Variants in IQCE observed in about 807,000 individuals in gnomAD.
IQCE encodes the protein IQ motif containing E.
A neutral mutation model predicts 96.0 loss-of-function variants in IQCE; 115 were observed. That is an observed-to-expected ratio of 1.20 (90% CI 1.03 to 1.40). The LOEUF (loss-of-function observed/expected upper bound fraction) is 1.40, where lower values mean the gene tolerates loss of function less well. Ranked by LOEUF, IQCE falls within the 40% of genes most tolerant of loss-of-function variation. The pLI is 0.00. For missense variants in IQCE, 1,041 were observed against 909.1 expected (o/e 1.15, Z -1.87); for synonymous variants, 412 against 371.2 (o/e 1.11, Z -1.26).
At chr7:2,609,713 TCC>T (rs1380281019) in intron 21 of IQCE, among the ~76,000 whole-genome samples, 4 of 151,082 alleles carry the variant, frequency 2.6e-5, no homozygotes, top group African/African-American at 9.8e-5. Flanking sequence ...TGTAAGTTGG[TCC>T]TGAGGCTGGA....
At chr7:2,592,701 C>T (rs1409093602) in intron 14 of IQCE, among the ~76,000 whole-genome samples, 3 of 152,264 alleles carry the variant, frequency 2.0e-5, no homozygotes, top group Admixed American at 1.3e-4. Context: ...GCCTGCAGCA[C>T]CCTCACACGG....
intron 13 of IQCE, among the ~76,000 whole-genome samples, chr7:2,589,389 T>C (rs1783396214): frequency 1.3e-5 from 2 of 151,792 alleles, no homozygotes; most frequent in Admixed American, 1.3e-4. Context: ...TTCTATAAAT[T>C]GTGGGCATTT....
chr7:2,573,745 G>A (rs1286847065), intron 6 of IQCE, among the ~76,000 whole-genome samples: 1 of 152,204 alleles, frequency 6.6e-6, no homozygotes, highest in African/African-American at 2.4e-5. Flanking sequence ...GGAGAAGACT[G>A]GATGAGGACT....
At chr7:2,569,575 C>T (rs917831105) in intron 3 of IQCE, among the ~76,000 whole-genome samples, 3 of 152,078 alleles carry the variant, frequency 2.0e-5, no homozygotes, top group Non-Finnish European at 4.4e-5. Flanking sequence ...CAGGTGGCCC[C>T]GAGGCCCCTC....
At chr7:2,602,565 A>C (rs979305829) in intron 18 of IQCE, among the ~76,000 whole-genome samples, 1 of 152,186 alleles carries the variant, frequency 6.6e-6, no homozygotes, top group Non-Finnish European at 1.5e-5. Flanking sequence ...GTGGCAGGGC[A>C]GACTCAGCAC....
intron 11 of IQCE, among the ~76,000 whole-genome samples, chr7:2,585,763 G>A (rs1583453810): frequency 6.6e-6 from 1 of 152,366 alleles, no homozygotes. Flanking sequence ...ACCTGCATGA[G>A]TATTGATTTT....
chr7:2,580,580 C>G (rs866917698), intron 8 of IQCE, among the ~76,000 whole-genome samples: 4 of 152,046 alleles, frequency 2.6e-5, no homozygotes, highest in Non-Finnish European at 5.9e-5. Flanking sequence ...CCACTGCACT[C>G]CAGCCTGGGC....
intron 16 of IQCE, 71 bp downstream of exon 16, chr7:2,595,047 T>A (rs1029617559): frequency 9.3e-7 from 1 of 1,078,790 alleles, no homozygotes; most frequent in Non-Finnish European, 1.4e-6. Flanking sequence ...TCTGACCGTT[T>A]CCCTGTCCAG....
At chr7:2,576,827 T>G (rs1782160222) in intron 6 of IQCE, among the ~76,000 whole-genome samples, 1 of 152,230 alleles carries the variant, frequency 6.6e-6, no homozygotes, top group East Asian at 1.9e-4. Flanking sequence ...TTGAAATGCA[T>G]GTTAGCCTTG....
Position 2,571,563 on chromosome 7 carries a change from C to T in IQCE, c.168C>T (p.Ser56=). The change falls in exon 4 of 22, where the codon TCC becomes TCT. Residue 56 remains serine (S), a synonymous_variant. Transcript: ENST00000402050. ...TCTCTAAGCCGAGAAAAGTGGCCTCCTGGAGGTCCCTCAGGACGGCAGGGA... is the reference window on the plus strand; with the variant it reads ...TCTCTAAGCCGAGAAAAGTGGCCTCTTGGAGGTCCCTCAGGACGGCAGGGA... ...PYLSKPRKVA[S]WRSLRTAGSM... 6.2e-7 allele frequency: 1 copy of T among 1,605,580 alleles called. No homozygotes were observed. Among genetic ancestry groups the T allele is most frequent in the Non-Finnish European group, 8.5e-7 (1 of 1,179,972 alleles).
At chr7:2,560,566 C>T (rs1442442295) in intron 1 of IQCE, among the ~76,000 whole-genome samples, 2 of 152,224 alleles carry the variant, frequency 1.3e-5, no homozygotes, top group African/African-American at 2.4e-5. Context: ...TCTACACTGG[C>T]CTTCAGTTAC....
chr7:2,608,677 C>T (rs555366859), intron 21 of IQCE, among the ~76,000 whole-genome samples: 18 of 152,272 alleles, frequency 1.2e-4, no homozygotes, highest in African/African-American at 4.1e-4. Flanking sequence ...CCTTTGGTGA[C>T]CTTTAGAGGC....
At chr7:2,600,857 A>G (rs1366865278) in intron 17 of IQCE, among the ~76,000 whole-genome samples, 3 of 152,154 alleles carry the variant, frequency 2.0e-5, no homozygotes, top group Admixed American at 2.0e-4. Context: ...CATCTATAAG[A>G]ACACATGCTC....
Position 2,584,237 on chromosome 7 carries a change from T to C in IQCE, c.776T>C (p.Val259Ala), listed in dbSNP as rs769822577. 6.2e-7 allele frequency: 1 copy of C among 1,613,692 alleles called. No homozygotes were observed. Among genetic ancestry groups the C allele is most frequent in the Admixed American group, 1.7e-5 (1 of 60,024 alleles). ...TGCATTTCAATTTGGTATTTACAGG[T>C]GCATCGTCTCCAGACCCTCTTGGCA... ...RIAMETYYEE[V>A]HRLQTLLASS... is the part of the protein sequence containing the mutation. The change falls in exon 11 of 22, where the codon GTG (valine) becomes GCG (alanine). Residue 259 changes from valine (V) to alanine (A), a missense_variant and splice_region_variant. Coordinates refer to ENST00000402050, the MANE Select transcript of IQCE (RefSeq NM_152558.5).
rs73033668 is a variant in IQCE, at chr7:2,585,493, G to A, written c.825-715G>A. ...CTTGCACGCGCATAAGCGTCTCCAC[G>A]GGGGCCCACACAGCCTTCCTGAGCT... On this transcript the variant is annotated intron_variant, in intron 11 of 21. Coordinates refer to ENST00000402050, the MANE Select transcript of IQCE (RefSeq NM_152558.5). Among the ~76,000 whole-genome samples, 125 of 152,350 alleles carry A rather than the reference G, an allele frequency of 8.2e-4. No individual in the cohort carries two copies. The Middle Eastern group carries it at 0.01, about 12-fold the overall frequency.
Position 2,572,269 on chromosome 7 carries a change from TG to T in IQCE, c.338del (p.Cys113PhefsTer2). On this transcript the variant is annotated frameshift_variant, in exon 5 of 22. Transcript: ENST00000402050. LOFTEE classifies it high-confidence loss of function. ...WTGVPGGTPD[C>X]LTDTFRVKRP... ...TGGCGTCCCCGGCGGCACTCCTGAC[TG>T]TCTGACAGACACCTTCAGAGTGAAG... 6.2e-7 allele frequency: 1 copy of T among 1,614,226 alleles called. No individual in the cohort carries two copies. The highest frequency in any genetic ancestry group is 8.5e-7 in the Non-Finnish European group (1 of 1,180,018).
At chr7:2,565,111 AGTGCATGT>A (rs1781266738) in intron 1 of IQCE, among the ~76,000 whole-genome samples, 1 of 137,202 alleles carries the variant, frequency 7.3e-6, no homozygotes, top group African/African-American at 3.0e-5. Flanking sequence ...TGTGTGTGTG[AGTGCATGT>A]GTGCATGTGT....
Position 2,605,897 on chromosome 7 carries a change from C to T in IQCE, c.1765C>T (p.Pro589Ser). ...PDQSSPVPRV[P>S]SPIAQATGSP... The stretch of plus-strand genomic sequence containing the variant: ...CCAGAGCTCTCCTGTGCCCCGCGTT[C>T]CGAGCCCCATCGCCCAGGCCACGGG... The change falls in exon 20 of 22, where the codon CCG becomes TCG. Residue 589 changes from proline to serine, a missense_variant. Pro to Ser is a moderately conservative substitution (Grantham distance 74). Coordinates refer to ENST00000402050, the MANE Select transcript of IQCE (RefSeq NM_152558.5). The T allele has an allele frequency of 6.2e-7, 1 of 1,606,980 alleles. No individual in the cohort carries two copies. Among genetic ancestry groups the T allele is most frequent in the Non-Finnish European group, 8.5e-7 (1 of 1,177,590 alleles).
At chr7:2,569,958 T>C (rs1250182262) in intron 3 of IQCE, among the ~76,000 whole-genome samples, 1 of 152,058 alleles carries the variant, frequency 6.6e-6, no homozygotes, top group Non-Finnish European at 1.5e-5. Flanking sequence ...ATGGAGAAAA[T>C]TGAGAATTGA....
Sources: allele counts gnomAD v4.1 joint callset (sites outside exome capture counted in the v4.1 genomes callset), GRCh38; gene constraint gnomAD v4.1.1; transcripts MANE v1.5; gene names NCBI Gene and HGNC (gene_info 2026-07-23, HGNC 2026-07-21).